Variants in SEMA3E observed in about 807,000 individuals in gnomAD.
SEMA3E encodes semaphorin-3E.
Under a neutral mutation model 93.6 loss-of-function variants are expected in SEMA3E, and 49 were observed. The ratio of observed to expected loss-of-function variants is 0.52; its 90% CI spans 0.42 to 0.66. The LOEUF (loss-of-function observed/expected upper bound fraction) is 0.66. Ranked by LOEUF, SEMA3E falls within the 30% of genes least tolerant of loss-of-function variation. The probability of loss-of-function intolerance (pLI) is 0.00; values close to 1 mark genes in which losing one functional copy is unlikely to be tolerated. For missense variants in SEMA3E, 906 were observed against 964.8 expected, an observed-to-expected ratio of 0.94 and a Z score of 0.81; for synonymous variants, 363 against 330.7, an observed-to-expected ratio of 1.10 and a Z score of -1.06.
intron 4 of SEMA3E, among the ~76,000 whole-genome samples, chr7:83,425,579 G>A (rs984458520): frequency 6.6e-6 from 1 of 152,084 alleles, no homozygotes; most frequent in African/African-American, 2.4e-5. Flanking sequence ...TCCAGAATAA[G>A]TTATTAAGTC....
chr7:83,537,206 G>A (rs1484045200), intron 1 of SEMA3E, among the ~76,000 whole-genome samples: 1 of 152,138 alleles, frequency 6.6e-6, no homozygotes, highest in Non-Finnish European at 1.5e-5. Context: ...AGAACTATAA[G>A]AAATACATAT....
At chr7:83,447,592 G>A (rs1584254716) in intron 4 of SEMA3E, among the ~76,000 whole-genome samples, 1 of 152,154 alleles carries the variant, frequency 6.6e-6, no homozygotes, top group South Asian at 2.1e-4. Flanking sequence ...AAGAAGGAAG[G>A]TTATCGCTGG....
At chr7:83,399,990 C>A (rs751796053) in intron 11 of SEMA3E, 38 bp downstream of exon 11, 2 of 1,427,204 alleles carry the variant, frequency 1.4e-6, no homozygotes, top group Non-Finnish European at 9.9e-7. Flanking sequence ...ATTTAAGGGT[C>A]AATTTAAATA....
At chr7:83,530,642 T>A (rs12154931) in intron 1 of SEMA3E, among the ~76,000 whole-genome samples, 1 of 152,108 alleles carries the variant, frequency 6.6e-6, no homozygotes, top group African/African-American at 2.4e-5. Flanking sequence ...TTTGGGAGGC[T>A]GAGGCGGGTG....
At chr7:83,502,129 G>A (rs1191480053) in intron 1 of SEMA3E, among the ~76,000 whole-genome samples, 1 of 152,068 alleles carries the variant, frequency 6.6e-6, no homozygotes, top group Admixed American at 6.6e-5. Context: ...CCTAGAATTT[G>A]TCCTGATTCT....
rs1488264876 is a variant in SEMA3E, at chr7:83,621,049, C to A, written c.115+27379G>T. 2.0e-5 allele frequency among the ~76,000 whole-genome samples: 3 copies of A among 152,110 alleles called. 1 individual carries two copies. Among genetic ancestry groups the A allele is most frequent in the African/African-American group, 7.2e-5 (3 of 41,442 alleles). ...GTTTTTAAATAAGAAGAGAGGAAGT[C>A]AAATTGTCTTTTTTTGCAGATGACA... On this transcript the variant is annotated intron_variant, in intron 1 of 16. Transcript: ENST00000643230.
Position 83,401,728 on chromosome 7 carries a change from C to T in SEMA3E, c.1143+904G>A, listed in dbSNP as rs532590178. On this transcript the variant is annotated intron_variant, in intron 10 of 16. Transcript: ENST00000643230. ...TTTGTTTTCACTTTGGGTTTTTGCT[C>T]TACAAAAATGGTTTCTATTTGACTT... is the stretch of plus-strand genomic sequence containing the variant. Among the ~76,000 whole-genome samples the T allele has an allele frequency of 1.6e-4, 25 of 152,116 alleles. No homozygotes were observed. In the South Asian group the frequency reaches 5.2e-3, roughly 31 times the overall value.
intron 12 of SEMA3E, 79 bp downstream of exon 12, chr7:83,396,559 G>A (rs551956574): frequency 1.3e-5 from 11 of 831,698 alleles, no homozygotes; most frequent in Non-Finnish European, 2.2e-5. Flanking sequence ...AAAAAAAAAT[G>A]GACATAGTAT....
intron 1 of SEMA3E, among the ~76,000 whole-genome samples, chr7:83,577,829 A>G (rs1202222964): frequency 6.6e-6 from 1 of 152,068 alleles, no homozygotes; most frequent in African/African-American, 2.4e-5. Flanking sequence ...AAGTAATTTA[A>G]TATATTATTT....
chr7:83,591,344 A>G (rs990633289), intron 1 of SEMA3E, among the ~76,000 whole-genome samples: 1 of 151,920 alleles, frequency 6.6e-6, no homozygotes, highest in East Asian at 1.9e-4. Context: ...TAATTTTGTT[A>G]CTGTTAAAAT....
intron 4 of SEMA3E, among the ~76,000 whole-genome samples, chr7:83,460,796 G>A (rs188492192): frequency 0.02 from 2,858 of 141,020 alleles, 95 homozygotes; most frequent in African/African-American, 0.072. Context: ...CCTTATTTCC[G>A]CACCCCGACC....
chr7:83,543,820 G>T (rs1210753630), intron 1 of SEMA3E, among the ~76,000 whole-genome samples: 1 of 152,004 alleles, frequency 6.6e-6, no homozygotes, highest in Non-Finnish European at 1.5e-5. Flanking sequence ...CTCCCATTTT[G>T]CTAGGTATAG....
At chr7:83,538,189 A>T (rs1408396195) in intron 1 of SEMA3E, among the ~76,000 whole-genome samples, 1 of 152,094 alleles carries the variant, frequency 6.6e-6, no homozygotes, top group Non-Finnish European at 1.5e-5. Context: ...CTGTGTGAAC[A>T]TGTTTTCATT....
intron 4 of SEMA3E, 126 bp from the exon 5 acceptor site, chr7:83,418,609 A>G: frequency 2.7e-6 from 2 of 743,162 alleles, no homozygotes; most frequent in South Asian, 3.0e-5. Flanking sequence ...CACCAGTAGC[A>G]TCAATTTATT....
intron 3 of SEMA3E, among the ~76,000 whole-genome samples, chr7:83,468,197 A>G (rs1186668996): frequency 6.6e-6 from 1 of 152,216 alleles, no homozygotes; most frequent in Non-Finnish European, 1.5e-5. Flanking sequence ...TTGATTATCC[A>G]GAGCACACAG....
intron 1 of SEMA3E, among the ~76,000 whole-genome samples, chr7:83,545,620 TG>T (rs1791631961): frequency 6.7e-6 from 1 of 149,478 alleles, no homozygotes; most frequent in African/African-American, 2.4e-5. Flanking sequence ...AGGGAAATGC[TG>T]TGCAGTTTGA....
chr7:83,619,836 T>C (rs1369399865), intron 1 of SEMA3E, among the ~76,000 whole-genome samples: 2 of 151,610 alleles, frequency 1.3e-5, no homozygotes, highest in African/African-American at 4.8e-5. Flanking sequence ...TAACTGTGGG[T>C]AATATAAATA....
chr7:83,504,400 C>T (rs114357734), intron 1 of SEMA3E, among the ~76,000 whole-genome samples: 429 of 152,264 alleles, frequency 2.8e-3, no homozygotes, highest in African/African-American at 9.8e-3. Context: ...ACCATTACTT[C>T]ATAGGTTTGG....
chr7:83,367,901 C>G lies in SEMA3E; in HGVS notation c.2013G>C (p.Glu671Asp). Reference sequence around the variant, plus strand: ...CCTCGACTTTCTCCTCTTCCACTACCTCCAAGGTGATTTTACGGACCGTAT... The same window carrying G: ...CCTCGACTTTCTCCTCTTCCACTACGTCCAAGGTGATTTTACGGACCGTAT... ...FVHTVRKITL[E>D]VVEEEKVEDM... The change falls in exon 17 of 17, where the codon GAG becomes GAC. Residue 671 changes from glutamate to aspartate, a missense_variant. Glu to Asp is a conservative substitution (Grantham distance 45, BLOSUM62 2). Transcript: ENST00000643230. 1.2e-6 allele frequency: 2 copies of G among 1,610,848 alleles called. No homozygotes were observed. The highest frequency in any genetic ancestry group is 1.7e-6 in the Non-Finnish European group (2 of 1,177,980).
Sources: gnomAD v4.1 joint callset for allele counts (sites outside exome capture counted in the v4.1 genomes callset) on GRCh38, gnomAD v4.1.1 for gene constraint, MANE v1.5 for transcripts, NCBI Gene and HGNC (gene_info 2026-07-23, HGNC 2026-07-21) for gene names.